NEK2: variants seen among roughly 807,000 people sequenced by gnomAD.
NEK2 encodes NIMA related kinase 2, also known as serine/threonine-protein kinase Nek2.
NEK2 carries 28 observed loss-of-function variants against 54.1 expected under a neutral mutation model. That is an observed-to-expected ratio of 0.52 (90% CI 0.38 to 0.71). The LOEUF (loss-of-function observed/expected upper bound fraction) is 0.71. Ranked by LOEUF, NEK2 falls within the 30% of genes least tolerant of loss-of-function variation. NEK2 has a pLI of 0.00. For synonymous variants in NEK2, 176 were observed against 193.1 expected, an observed-to-expected ratio of 0.91 and a Z score of 0.73; for missense variants, 407 against 531.5, an observed-to-expected ratio of 0.77 and a Z score of 2.30.
chr1:211,658,823 C>A, downstream of NEK2: 4 of 265,322 alleles, frequency 1.5e-5, no homozygotes, highest in Non-Finnish European at 3.0e-5. Flanking sequence ...ATGTGTGCAC[C>A]CAGTTTTATG....
intron 2 of NEK2, 88 bp from the exon 3 acceptor site, chr1:211,673,811 G>A (rs1558230619): frequency 5.5e-6 from 7 of 1,265,646 alleles, no homozygotes; most frequent in East Asian, 2.5e-5. Context: ...GTACAAATAG[G>A]GAATTTATTT....
chr1:211,661,713 C>A (rs577713516), downstream of NEK2, among the ~76,000 whole-genome samples: 168 of 152,172 alleles, frequency 1.1e-3, 1 homozygote, highest in Non-Finnish European at 1.2e-3. Flanking sequence ...ACAGTCAAAT[C>A]CCTAACCAAG....
intron 7 of NEK2, chr1:211,666,426 A>C: frequency 1.2e-6 from 1 of 866,348 alleles, no homozygotes; most frequent in Non-Finnish European, 1.4e-6. Flanking sequence ...GCAATATTAA[A>C]ATGTTTATTT....
chr1:211,671,092 T>C, intron 4 of NEK2, 110 bp downstream of exon 4: 2 of 808,718 alleles, frequency 2.5e-6, no homozygotes, highest in South Asian at 3.0e-5. Flanking sequence ...GTACAATTCT[T>C]TCAGACTTGA....
chr1:211,668,140 T>C (rs1432737342), intron 6 of NEK2, among the ~76,000 whole-genome samples: 2 of 152,166 alleles, frequency 1.3e-5, no homozygotes, highest in African/African-American at 2.4e-5. Context: ...TAAGTATAGG[T>C]TGTACCTATA....
At chr1:211,668,424 A>G (rs1319874981) in intron 6 of NEK2, among the ~76,000 whole-genome samples, 1 of 152,240 alleles carries the variant, frequency 6.6e-6, no homozygotes, top group Non-Finnish European at 1.5e-5. Context: ...TCATAAGTCA[A>G]TGTTAATACC....
intron 3 of NEK2, among the ~76,000 whole-genome samples, chr1:211,673,031 A>G (rs1655449294): frequency 6.6e-6 from 1 of 151,576 alleles, no homozygotes; most frequent in African/African-American, 2.4e-5. Flanking sequence ...GTGGAAAAAT[A>G]TAACAGTATT....
Position 211,670,333 on chromosome 1 carries a change from T to C in NEK2, c.713A>G (p.Tyr238Cys). Residue 238 changes from tyrosine to cysteine, a missense_variant, in exon 5 of 8, where the codon TAC becomes TGC. Coordinates refer to ENST00000366999, the MANE Select transcript of NEK2 (RefSeq NM_002497.4). ...TTCATTCAATTCATCAGAGTAACGG[T>C]ATGGAATTCGCCTGAATTTGCCTTC... Reference protein sequence around the residue: ...IREGKFRRIPYRYSDELNEII... With the variant: ...IREGKFRRIPCRYSDELNEII... The C allele has an allele frequency of 6.2e-7, 1 of 1,613,256 alleles. No homozygotes were observed. Among genetic ancestry groups the C allele is most frequent in the Non-Finnish European group, 8.5e-7 (1 of 1,179,318 alleles).
rs930322888 is a variant in NEK2, at chr1:211,662,836, T to C, written c.*590A>G. The C allele has an allele frequency of 2.1e-6, 2 of 974,976 alleles. No individual in the cohort carries two copies. Among genetic ancestry groups the C allele is most frequent in the Non-Finnish European group, 2.4e-6 (2 of 825,674 alleles). 60.4% of individuals were successfully genotyped at this position (974,976 alleles called of 1,614,324 possible). On this transcript the variant is annotated 3_prime_UTR_variant, in exon 8 of 8. Transcript: ENST00000366999. The surrounding 1 kb of genome is among the most constrained non-coding windows in gnomAD (Gnocchi z 4.2). Reference sequence around the variant, plus strand: ...AAGTAGGTAAATGACAGACAGCTCATATTCTGTTAAACAGAAAAAAAAAAA... The same window carrying C: ...AAGTAGGTAAATGACAGACAGCTCACATTCTGTTAAACAGAAAAAAAAAAA...
chr1:211,661,117 T>G (rs1255818319), downstream of NEK2: 11 of 747,024 alleles, frequency 1.5e-5, no homozygotes, highest in East Asian at 2.8e-4. Flanking sequence ...AGGACCTCCT[T>G]GAGCTGGGCG....
downstream of NEK2, among the ~76,000 whole-genome samples, chr1:211,661,809 G>A (rs1445678360): frequency 2.0e-5 from 3 of 152,286 alleles, no homozygotes; most frequent in African/African-American, 4.8e-5. Context: ...TCAGCTTGTC[G>A]AATTTTATTC....
At chr1:211,661,248 T>C (rs1191252021), downstream of NEK2, 1 of 678,754 alleles carries the variant, frequency 1.5e-6, no homozygotes, top group Non-Finnish European at 2.8e-6. Context: ...TTGATCTCCA[T>C]TCATTCTGAG....
Position 211,673,681 on chromosome 1 carries a change from C to T in NEK2, c.357G>A (p.Gln119=). 6.2e-7 allele frequency: 1 copy of T among 1,614,166 alleles called. No homozygotes were observed. Among genetic ancestry groups the T allele is most frequent in the Non-Finnish European group, 8.5e-7 (1 of 1,180,034 alleles). Residue 119 remains glutamine (Q), a synonymous_variant, in exon 3 of 8, where the codon CAG becomes CAA. Coordinates refer to ENST00000366999, the MANE Select transcript of NEK2 (RefSeq NM_002497.4). ...DEEFVLRVMT[Q]LTLALKECHR... is the part of the protein sequence containing the mutation. Reference sequence around the variant, plus strand: ...GGCATTCCTTCAGGGCCAGAGTCAACTGAGTCATCACTCGAAGAACAAACT... The same window carrying T: ...GGCATTCCTTCAGGGCCAGAGTCAATTGAGTCATCACTCGAAGAACAAACT...
chr1:211,658,322 A>G (rs1483358776), downstream of NEK2, among the ~76,000 whole-genome samples: 2 of 152,152 alleles, frequency 1.3e-5, no homozygotes, highest in Admixed American at 6.5e-5. Context: ...TACATTTTTA[A>G]AGGGAATTTA....
At chr1:211,664,220 G>A (rs1404169297) in intron 7 of NEK2, among the ~76,000 whole-genome samples, 4 of 152,096 alleles carry the variant, frequency 2.6e-5, no homozygotes, top group Non-Finnish European at 4.4e-5. Flanking sequence ...AGTAAAAACT[G>A]TAAACTATTC....
downstream of NEK2, chr1:211,662,750 C>A: frequency 1.0e-6 from 1 of 979,752 alleles, no homozygotes; most frequent in Non-Finnish European, 1.2e-6. This position sits in a 1 kb window ranked among gnomAD's most constrained non-coding sequence, Gnocchi z 4.2. Flanking sequence ...ACTAAGAGAC[C>A]AACAAATGCA....
Position 211,674,380 on chromosome 1 carries a change from C to T in NEK2, c.230G>A (p.Arg77Gln), listed in dbSNP as rs767290689. ...TACAATGTACAGTGTTGTATTGGTC[C>T]GGTCAATAATCCGATCATAGTAACG... is the stretch of plus-strand genomic sequence containing the variant. ...IVRYYDRIID[R>Q]TNTTLYIVME... Residue 77 changes from arginine to glutamine, a missense_variant, in exon 2 of 8, where the codon CGG becomes CAG. By Grantham distance (43) the Arg-to-Gln change is conservative (BLOSUM62 1). Transcript: ENST00000366999. The T allele has an allele frequency of 1.1e-5, 17 of 1,613,994 alleles. No homozygotes were observed. The highest frequency in any genetic ancestry group is 1.4e-5 in the Non-Finnish European group (16 of 1,180,008).
rs536626822 is a variant in NEK2, at chr1:211,666,671, T to A, written c.1111+435A>T. On this transcript the variant is annotated intron_variant, in intron 7 of 7. Coordinates refer to ENST00000366999, the MANE Select transcript of NEK2 (RefSeq NM_002497.4). ...AAAATTAGCCGGGCTTGGTGGCGGG[T>A]GTCTGTAGTCCCAGCTACTTGGGAG... The A allele has an allele frequency of 4.9e-4, 123 of 250,936 alleles. 1 individual carries two copies. The highest frequency in any genetic ancestry group is 2.8e-3 in the African/African-American group (120 of 43,226). The allele number at this position is 250,936 out of a possible 1,614,324, so 15.5% of individuals were successfully genotyped here.
rs1655064210 is a variant in NEK2, at chr1:211,663,216, A to G, written c.*210T>C. ...ACCAAGAAAGTATTCTTTTTATAAT[A>G]TGTTCTTAAAAGAAGAAAGAAAAAT... On this transcript the variant is annotated 3_prime_UTR_variant, in exon 8 of 8. Transcript: ENST00000366999. 7.5e-7 allele frequency: 1 copy of G among 1,339,386 alleles called. No homozygotes were observed. The highest frequency in any genetic ancestry group is 2.3e-5 in the South Asian group (1 of 44,252). The allele number at this position is 1,339,386 out of a possible 1,614,324, so 83.0% of individuals were successfully genotyped here.
Sources: gnomAD v4.1 joint callset for allele counts (sites outside exome capture counted in the v4.1 genomes callset) on GRCh38, gnomAD v4.1.1 for gene constraint, Gnocchi (gnomAD v3.1) non-coding constraint, MANE v1.5 for transcripts, NCBI Gene and HGNC (gene_info 2026-07-23, HGNC 2026-07-21) for gene names.